Variants in MYO1D observed in about 807,000 individuals in gnomAD.
MYO1D encodes myosin ID.
A neutral mutation model predicts 122.0 loss-of-function variants in MYO1D; 83 were observed. The observed-to-expected ratio is 0.68, with a 90% CI of 0.57 to 0.82. The LOEUF (loss-of-function observed/expected upper bound fraction) is 0.82. Among genes scored for constraint, MYO1D ranks in the 40% least tolerant of loss-of-function variants. MYO1D has a pLI of 0.00. For synonymous variants in MYO1D, 464 were observed against 446.9 expected (o/e 1.04, Z -0.48); for missense variants, 1,157 against 1,269.5 (o/e 0.91, Z 1.35).
At chr17:32,745,181 T>C in intron 13 of MYO1D, 30 bp downstream of exon 13, 1 of 1,212,876 alleles carries the variant, frequency 8.2e-7, no homozygotes, top group South Asian at 1.3e-5. Flanking sequence ...GAGCTTAATC[T>C]AGAGTTAATT....
At chr17:32,648,074 C>T (rs924796536) in intron 19 of MYO1D, among the ~76,000 whole-genome samples, 3 of 152,004 alleles carry the variant, frequency 2.0e-5, no homozygotes, top group African/African-American at 4.8e-5. Flanking sequence ...ATTAGCCAGG[C>T]GTGGTGATGT....
At chr17:32,783,321 T>C (rs140941515) in intron 1 of MYO1D, among the ~76,000 whole-genome samples, 39 of 152,324 alleles carry the variant, frequency 2.6e-4, no homozygotes, top group Non-Finnish European at 4.3e-4. Context: ...GAGCCACTAA[T>C]AGACCATTAT....
intron 17 of MYO1D, among the ~76,000 whole-genome samples, chr17:32,657,051 A>G (rs2088486682): frequency 6.6e-6 from 1 of 152,204 alleles, no homozygotes; most frequent in South Asian, 2.1e-4. Context: ...ATCCTAATCA[A>G]GCAAACTGCT....
chr17:32,547,904 T>A (rs2086977974), intron 21 of MYO1D, among the ~76,000 whole-genome samples: 2 of 151,550 alleles, frequency 1.3e-5, no homozygotes, highest in African/African-American at 4.9e-5. Flanking sequence ...GAGCTGAGAT[T>A]GTGGCACTGC....
intron 1 of MYO1D, among the ~76,000 whole-genome samples, chr17:32,862,730 A>G (rs1229001755): frequency 6.6e-6 from 1 of 152,262 alleles, no homozygotes; most frequent in Non-Finnish European, 1.5e-5. Flanking sequence ...TGATTTAATA[A>G]CCAAAACAGA....
intron 1 of MYO1D, among the ~76,000 whole-genome samples, chr17:32,848,954 C>T (rs1376348738): frequency 6.6e-6 from 1 of 152,034 alleles, no homozygotes; most frequent in African/African-American, 2.4e-5. Context: ...GTTACATAAA[C>T]ATATATTATT....
intron 1 of MYO1D, among the ~76,000 whole-genome samples, chr17:32,812,728 T>G (rs2090582743): frequency 6.6e-6 from 1 of 152,174 alleles, no homozygotes; most frequent in Non-Finnish European, 1.5e-5. Context: ...GGGCACCAAC[T>G]TCACCTGCTG....
At chr17:32,630,782 C>T (rs1475422839) in intron 20 of MYO1D, among the ~76,000 whole-genome samples, 1 of 152,042 alleles carries the variant, frequency 6.6e-6, no homozygotes. Flanking sequence ...ACCTTGTTAG[C>T]CAGGATGGTC....
At chr17:32,729,177 G>A (rs573447114) in intron 14 of MYO1D, among the ~76,000 whole-genome samples, 2 of 151,446 alleles carry the variant, frequency 1.3e-5, no homozygotes, top group South Asian at 4.2e-4. Context: ...TATTTTACGG[G>A]AAAAAAAACA....
At chr17:32,651,786 C>T (rs1299406938) in intron 19 of MYO1D, among the ~76,000 whole-genome samples, 1 of 151,512 alleles carries the variant, frequency 6.6e-6, no homozygotes, top group African/African-American at 2.4e-5. Flanking sequence ...AGCAATTCTC[C>T]TGCCCCAGGC....
chr17:32,871,280 T>A (rs1450391561), intron 1 of MYO1D, among the ~76,000 whole-genome samples: 11 of 151,864 alleles, frequency 7.2e-5, no homozygotes, highest in Non-Finnish European at 5.9e-5. Context: ...AGGAGTGGAG[T>A]TGTTGACATC....
chr17:32,632,650 A>G lies in MYO1D; in HGVS notation c.2709+6072T>C, dbSNP rs1356234351. Among the ~76,000 whole-genome samples the G allele has an allele frequency of 3.3e-5, 5 of 151,094 alleles. No homozygotes were observed. In the East Asian group the frequency reaches 9.7e-4, roughly 29 times the overall value. The stretch of plus-strand genomic sequence containing the variant: ...ACATATATATATATATAAATAGGCA[A>G]ATAGGAAGCTGTCCTTTCTGACAGA... On this transcript the variant is annotated intron_variant, in intron 20 of 21. Coordinates refer to ENST00000318217, the MANE Select transcript of MYO1D (RefSeq NM_015194.3).
intron 1 of MYO1D, among the ~76,000 whole-genome samples, chr17:32,869,054 C>CAA (rs5820002): frequency 1.4e-5 from 2 of 140,604 alleles, no homozygotes; most frequent in Admixed American, 1.4e-4. Context: ...ACTAAAAATA[C>CAA]AAAAAAAAAA....
chr17:32,737,495 G>A (rs1404125731), intron 14 of MYO1D, among the ~76,000 whole-genome samples: 1 of 151,932 alleles, frequency 6.6e-6, no homozygotes, highest in African/African-American at 2.4e-5. Flanking sequence ...AGAGTACCTG[G>A]GACCACAGGC....
intron 16 of MYO1D, among the ~76,000 whole-genome samples, chr17:32,672,259 GC>G (rs1047860382): frequency 6.6e-6 from 1 of 152,180 alleles, no homozygotes; most frequent in African/African-American, 2.4e-5. Flanking sequence ...CTGTATCTTA[GC>G]TCTGTCTGGC....
intron 14 of MYO1D, among the ~76,000 whole-genome samples, chr17:32,721,905 G>A (rs1015425076): frequency 1.3e-5 from 2 of 152,248 alleles, no homozygotes; most frequent in Admixed American, 6.5e-5. Flanking sequence ...AATTATCACT[G>A]GATGAATCAA....
intron 1 of MYO1D, among the ~76,000 whole-genome samples, chr17:32,842,073 A>T (rs527538551): frequency 1.3e-5 from 2 of 152,312 alleles, no homozygotes; most frequent in South Asian, 4.1e-4. Flanking sequence ...TATTTTCTCC[A>T]GCAAGTCTCG....
At chr17:32,658,137 TTC>T (rs2088503358) in intron 17 of MYO1D, among the ~76,000 whole-genome samples, 1 of 151,590 alleles carries the variant, frequency 6.6e-6, no homozygotes, top group East Asian at 1.9e-4. Flanking sequence ...GAGCAATTAT[TTC>T]TTTTTTTAAA....
At chr17:32,830,004 A>G (rs1211256725) in intron 1 of MYO1D, among the ~76,000 whole-genome samples, 1 of 152,208 alleles carries the variant, frequency 6.6e-6, no homozygotes, top group Non-Finnish European at 1.5e-5. Flanking sequence ...CTAGAGAGAA[A>G]AAGAGCTCCC....
Sources: allele counts gnomAD v4.1 joint callset (sites outside exome capture counted in the v4.1 genomes callset), GRCh38; gene constraint gnomAD v4.1.1; transcripts MANE v1.5; gene names NCBI Gene and HGNC (gene_info 2026-07-23, HGNC 2026-07-21).